Variants in TENM2 observed in about 807,000 individuals in gnomAD.
TENM2 encodes teneurin transmembrane protein 2.
TENM2 carries 52 observed loss-of-function variants against 245.2 expected under a neutral mutation model. That is an observed-to-expected ratio of 0.21 (90% CI 0.17 to 0.27). The LOEUF (loss-of-function observed/expected upper bound fraction) is 0.27. Among genes scored for constraint, TENM2 ranks in the 10% least tolerant of loss-of-function variants. The probability of loss-of-function intolerance (pLI) is 1.00; values close to 1 mark genes in which losing one functional copy is unlikely to be tolerated. For synonymous variants in TENM2, 1,363 were observed against 1,438.9 expected (o/e 0.95, Z 1.19); for missense variants, 3,046 against 3,666.8 (o/e 0.83, Z 4.37).
intron 2 of TENM2, among the ~76,000 whole-genome samples, chr5:167,545,136 A>G (rs1198809474): frequency 6.6e-6 from 1 of 152,092 alleles, no homozygotes; most frequent in Non-Finnish European, 1.5e-5. Context: ...CTGGGTTTGA[A>G]CTGAGGATTG....
intron 3 of TENM2, among the ~76,000 whole-genome samples, chr5:167,940,233 A>G (rs113532002): frequency 0.013 from 1,973 of 152,070 alleles, 46 homozygotes; most frequent in African/African-American, 0.045. Flanking sequence ...CATTTCTCCA[A>G]TTTCTTTGTT....
At chr5:167,959,595 T>TC (rs1780844477) in intron 4 of TENM2, among the ~76,000 whole-genome samples, 1 of 152,184 alleles carries the variant, frequency 6.6e-6, no homozygotes. Context: ...AGTTAGCAAT[T>TC]CCTCTAGCCT....
the TENM2 span, among the ~76,000 whole-genome samples, chr5:167,149,545 T>A: frequency 1.3e-5 from 2 of 152,118 alleles, no homozygotes; most frequent in African/African-American, 2.4e-5. Flanking sequence ...TCTCTCTCCA[T>A]CTTTTAATAC....
intron 12 of TENM2, 125 bp downstream of exon 14, chr5:168,127,091 G>A: frequency 1.2e-6 from 1 of 816,310 alleles, no homozygotes; most frequent in East Asian, 2.7e-5. Flanking sequence ...ATCTCCCAGG[G>A]GATAGGGAAG....
At chr5:167,561,874 T>C (rs1000336940) in intron 2 of TENM2, among the ~76,000 whole-genome samples, 4 of 152,220 alleles carry the variant, frequency 2.6e-5, no homozygotes, top group Non-Finnish European at 5.9e-5. Flanking sequence ...CTAACATGTA[T>C]ACATTAGAAC....
At chr5:167,828,745 C>G (rs574260243) in intron 2 of TENM2, among the ~76,000 whole-genome samples, 1 of 152,196 alleles carries the variant, frequency 6.6e-6, no homozygotes, top group South Asian at 2.1e-4. Context: ...TAAAAATTTT[C>G]TTAGCTGATT....
chr5:167,354,712 ATTTC>A (rs1214000144), intron 1 of TENM2, among the ~76,000 whole-genome samples: 1 of 152,180 alleles, frequency 6.6e-6, no homozygotes, highest in South Asian at 2.1e-4. Flanking sequence ...TAGGAATATT[ATTTC>A]TTTCTTTTGA....
intron 1 of TENM2, among the ~76,000 whole-genome samples, chr5:167,336,298 A>G (rs903450046): frequency 1.3e-5 from 2 of 149,162 alleles, no homozygotes; most frequent in African/African-American, 5.0e-5. Context: ...AGCTGATCTC[A>G]ACGAGCCCTA....
chr5:167,642,345 A>G (rs1175076789), intron 2 of TENM2, among the ~76,000 whole-genome samples: 1 of 152,188 alleles, frequency 6.6e-6, no homozygotes, highest in African/African-American at 2.4e-5. Context: ...TGATCTCAAC[A>G]TATAGCAACT....
chr5:168,016,708 A>G (rs1785686018), intron 5 of TENM2, among the ~76,000 whole-genome samples: 1 of 152,326 alleles, frequency 6.6e-6, no homozygotes, highest in Admixed American at 6.5e-5. Flanking sequence ...CTTGCTTGGT[A>G]GCTAACAGCA....
the TENM2 span, among the ~76,000 whole-genome samples, chr5:167,247,009 T>C: frequency 6.6e-6 from 1 of 152,130 alleles, no homozygotes; most frequent in African/African-American, 2.4e-5. Context: ...ACTTAAATGA[T>C]TGAATAAAGC....
At chr5:168,209,855 C>T (rs1762652096) in intron 19 of TENM2, among the ~76,000 whole-genome samples, 1 of 152,164 alleles carries the variant, frequency 6.6e-6, no homozygotes, top group African/African-American at 2.4e-5. Flanking sequence ...TCACAAAGAA[C>T]TGAGGGGGAC....
At chr5:167,050,699 A>G in the TENM2 span, among the ~76,000 whole-genome samples, 1 of 152,156 alleles carries the variant, frequency 6.6e-6, no homozygotes, top group Non-Finnish European at 1.5e-5. Context: ...GAGAACAGCA[A>G]AGATTCCTCT....
the TENM2 span, among the ~76,000 whole-genome samples, chr5:167,037,384 C>T: frequency 6.6e-6 from 1 of 152,184 alleles, no homozygotes; most frequent in African/African-American, 2.4e-5. Context: ...ATCTCAGGTC[C>T]TATAAATCAC....
chr5:167,400,785 G>A (rs1199406740), intron 2 of TENM2, among the ~76,000 whole-genome samples: 1 of 152,088 alleles, frequency 6.6e-6, no homozygotes, highest in Non-Finnish European at 1.5e-5. Context: ...CTTGGCAGAA[G>A]GGACTATTAA....
chr5:168,057,310 AACAC>A (rs112117017), intron 6 of TENM2, among the ~76,000 whole-genome samples: 33 of 148,988 alleles, frequency 2.2e-4, no homozygotes, highest in Admixed American at 4.0e-4. Flanking sequence ...CGCCTCGCCC[AACAC>A]ACACACACAC....
chr5:167,956,045 T>C (rs1357545223), intron 4 of TENM2, among the ~76,000 whole-genome samples: 1 of 152,230 alleles, frequency 6.6e-6, no homozygotes, highest in African/African-American at 2.4e-5. Context: ...GCATTGAATC[T>C]ATGAATTACT....
At chr5:168,195,337 G>T (rs769749552) in intron 15 of TENM2, 42 bp downstream of exon 17, 2 of 1,554,058 alleles carry the variant, frequency 1.3e-6, no homozygotes, top group Admixed American at 3.9e-5. Flanking sequence ...AGGACCACAC[G>T]TGTGTGCAAA....
At chr5:167,747,519 G>A (rs1434231856) in intron 2 of TENM2, among the ~76,000 whole-genome samples, 2 of 152,166 alleles carry the variant, frequency 1.3e-5, no homozygotes, top group Non-Finnish European at 2.9e-5. Context: ...TATGCCTCTG[G>A]GTTGTAATAC....
Sources: gnomAD v4.1 joint callset for allele counts (sites outside exome capture counted in the v4.1 genomes callset) on GRCh38, gnomAD v4.1.1 for gene constraint, MANE v1.5 for transcripts, NCBI Gene and HGNC (gene_info 2026-07-23, HGNC 2026-07-21) for gene names.